NDST4: variants seen among roughly 807,000 people sequenced by gnomAD.
NDST4 encodes the protein N-deacetylase and N-sulfotransferase 4.
A neutral mutation model predicts 100.8 loss-of-function variants in NDST4; 63 were observed. The ratio of observed to expected loss-of-function variants is 0.62; its 90% CI spans 0.51 to 0.77. The LOEUF (loss-of-function observed/expected upper bound fraction) is 0.77. Among genes scored for constraint, NDST4 ranks in the 30% least tolerant of loss-of-function variants. The pLI is 0.00. For missense variants in NDST4, 943 were observed against 1,018.4 expected (o/e 0.93, Z 1.01); for synonymous variants, 377 against 361.8 (o/e 1.04, Z -0.48).
At chr4:115,072,989 T>A (rs1199910141) in intron 2 of NDST4, among the ~76,000 whole-genome samples, 1 of 151,772 alleles carries the variant, frequency 6.6e-6, no homozygotes, top group African/African-American at 2.4e-5. Flanking sequence ...AGAAAACAAA[T>A]AACTCATCTT....
At chr4:114,876,708 TA>T (rs1429352061) in intron 6 of NDST4, among the ~76,000 whole-genome samples, 2 of 152,186 alleles carry the variant, frequency 1.3e-5, no homozygotes, top group Non-Finnish European at 2.9e-5. Flanking sequence ...TTGCTCAATC[TA>T]AAAATGGTTC....
intron 4 of NDST4, among the ~76,000 whole-genome samples, chr4:114,952,443 T>C (rs1424974437): frequency 1.3e-5 from 2 of 152,092 alleles, no homozygotes; most frequent in Non-Finnish European, 2.9e-5. Context: ...ATATGTATTG[T>C]AGAGATTTTC....
intron 2 of NDST4, among the ~76,000 whole-genome samples, chr4:115,058,471 T>C (rs1224627453): frequency 6.6e-6 from 1 of 152,204 alleles, no homozygotes; most frequent in African/African-American, 2.4e-5. Flanking sequence ...CTAAATATCC[T>C]AGCATGATAT....
At chr4:114,980,240 C>G (rs1337363114) in intron 2 of NDST4, among the ~76,000 whole-genome samples, 3 of 152,092 alleles carry the variant, frequency 2.0e-5, no homozygotes, top group Admixed American at 6.6e-5. Flanking sequence ...TGTTAATGAG[C>G]TAGAAATAAA....
At chr4:115,027,865 C>T (rs1255677479) in intron 2 of NDST4, among the ~76,000 whole-genome samples, 2 of 152,024 alleles carry the variant, frequency 1.3e-5, no homozygotes, top group Non-Finnish European at 2.9e-5. Flanking sequence ...ACCAGCCTGA[C>T]CAACATGGAA....
At chr4:114,981,442 G>A (rs566581073) in intron 2 of NDST4, among the ~76,000 whole-genome samples, 1 of 152,114 alleles carries the variant, frequency 6.6e-6, no homozygotes, top group South Asian at 2.1e-4. Flanking sequence ...CTGTCATAAT[G>A]CCTACAAATG....
intron 2 of NDST4, among the ~76,000 whole-genome samples, chr4:115,057,716 A>ACC (rs1728728751): frequency 8.6e-6 from 1 of 116,008 alleles, no homozygotes; most frequent in African/African-American, 4.0e-5. Flanking sequence ...ACACACACAC[A>ACC]CACACACACA....
chr4:114,962,555 T>C (rs748854420), intron 4 of NDST4, among the ~76,000 whole-genome samples: 7 of 151,994 alleles, frequency 4.6e-5, no homozygotes, highest in Non-Finnish European at 1.0e-4. Context: ...AAGATTTTTG[T>C]TTATAATAGC....
rs548128827 is a variant in NDST4 at position 115,061,062 on chromosome 4, GA to G, written c.978+14996del. 3.8e-3 allele frequency among the ~76,000 whole-genome samples: 574 copies of G among 152,074 alleles called. 4 individuals carry two copies. Among genetic ancestry groups the G allele is most frequent in the South Asian group, 4.8e-3 (23 of 4,828 alleles). ...ACATTTATGCAGCCAACAAACATAT[GA>G]AAAAAAGCTCATCATCACTGGTCAT... On this transcript the variant is annotated intron_variant, in intron 2 of 13. Transcript: ENST00000264363.
rs1207904640 is a variant in NDST4 at position 114,986,788 on chromosome 4, TTATACATATA to T, written c.979-9524_979-9515del. On this transcript the variant is annotated intron_variant, in intron 2 of 13. Coordinates refer to ENST00000264363, the MANE Select transcript of NDST4 (RefSeq NM_022569.3). ...TAGTTCCTCTAAGCCTGGTATCCAA[TTATACATATA>T]TATATATATATATATATATATATAT... Among the ~76,000 whole-genome samples, 23 of 65,982 alleles carry T rather than the reference TTATACATATA, an allele frequency of 3.5e-4. 2 individuals carry two copies. The highest frequency in any genetic ancestry group is 1.2e-3 in the African/African-American group (17 of 13,744). The allele number at this position is 65,982 out of a possible 152,430, so 43.3% of individuals were successfully genotyped here.
chr4:114,833,538 C>A (rs534491633), intron 12 of NDST4, 68 bp downstream of exon 12: 280 of 994,934 alleles, frequency 2.8e-4, no homozygotes, highest in Non-Finnish European at 4.0e-4. Context: ...ATGTTATATA[C>A]ACACCTACCA....
At chr4:114,867,665 C>CAAAAAAAAAAAAAAAAAAAAAAAGAAA in intron 7 of NDST4, among the ~76,000 whole-genome samples, 8 of 79,892 alleles carry the variant, frequency 1.0e-4, no homozygotes, top group African/African-American at 3.9e-4. Context: ...AAAAAAAAAG[C>CAAAAAAAAAAAAAAAAAAAAAAAGAAA]AAAAAAAAAA....
chr4:114,921,233 C>G (rs1725279879), intron 6 of NDST4, among the ~76,000 whole-genome samples: 3 of 152,036 alleles, frequency 2.0e-5, no homozygotes, highest in Admixed American at 2.0e-4. Flanking sequence ...TTAGAGCAAC[C>G]AAGCAAGTAT....
chr4:114,957,007 G>C (rs770236416), intron 4 of NDST4, among the ~76,000 whole-genome samples: 1 of 152,102 alleles, frequency 6.6e-6, no homozygotes, highest in Non-Finnish European at 1.5e-5. Context: ...TTTCAAATTT[G>C]TTCAAAGAAC....
At chr4:115,089,538 A>G (rs1021373144) in intron 1 of NDST4, among the ~76,000 whole-genome samples, 2 of 151,800 alleles carry the variant, frequency 1.3e-5, no homozygotes, top group Non-Finnish European at 2.9e-5. Flanking sequence ...TATCTTTTTT[A>G]TAATACCTTT....
At chr4:115,049,580 T>C (rs922078738) in intron 2 of NDST4, among the ~76,000 whole-genome samples, 2 of 152,172 alleles carry the variant, frequency 1.3e-5, no homozygotes, top group Admixed American at 6.5e-5. Context: ...TTTTCTCTAA[T>C]ATATTTCAGC....
chr4:115,034,155 G>T (rs535619324), intron 2 of NDST4, among the ~76,000 whole-genome samples: 1 of 152,164 alleles, frequency 6.6e-6, no homozygotes, highest in South Asian at 2.1e-4. Context: ...TTGAGTAGTA[G>T]CAGGTTCACA....
intron 3 of NDST4, among the ~76,000 whole-genome samples, chr4:114,975,655 A>G (rs1195193728): frequency 6.6e-6 from 1 of 152,160 alleles, no homozygotes; most frequent in African/African-American, 2.4e-5. Flanking sequence ...AAAAGTAAAT[A>G]AAAACTGAGG....
intron 4 of NDST4, among the ~76,000 whole-genome samples, chr4:114,946,352 C>T (rs1214773350): frequency 6.6e-6 from 1 of 151,596 alleles, no homozygotes; most frequent in East Asian, 1.9e-4. Context: ...CAAGGTCATA[C>T]AAAAGAAGTA....
Sources: gnomAD v4.1 joint callset for allele counts (sites outside exome capture counted in the v4.1 genomes callset) on GRCh38, gnomAD v4.1.1 for gene constraint, MANE v1.5 for transcripts, NCBI Gene and HGNC (gene_info 2026-07-23, HGNC 2026-07-21) for gene names.